KIF24: variants seen among roughly 807,000 people sequenced by gnomAD.
KIF24 encodes the protein kinesin family member 24.
A neutral mutation model predicts 118.9 loss-of-function variants in KIF24; 81 were observed. The ratio of observed to expected loss-of-function variants is 0.68; its 90% confidence interval spans 0.57 to 0.82. The LOEUF is 0.82. Among genes scored for constraint, KIF24 ranks in the 40% least tolerant of loss-of-function variants. KIF24 has a pLI of 0.00. For synonymous variants in KIF24, 599 were observed against 610.0 expected, an observed-to-expected ratio of 0.98 and a Z score of 0.27; for missense variants, 1,560 against 1,661.6, an observed-to-expected ratio of 0.94 and a Z score of 1.06.
chr9:34,258,021 T>C (rs1834925307), intron 10 of KIF24, 40 bp from the exon 11 acceptor site: 2 of 1,407,848 alleles, frequency 1.4e-6, no homozygotes, highest in Non-Finnish European at 1.9e-6. Flanking sequence ...TATTTTCACA[T>C]GTTCTGCAAT....
At chr9:34,294,906 T>TTCC (rs1836404027) in intron 4 of KIF24, among the ~76,000 whole-genome samples, 1 of 152,186 alleles carries the variant, frequency 6.6e-6, no homozygotes, top group East Asian at 1.9e-4. Context: ...GATGAAAATG[T>TTCC]TCCATGTCTT....
At position 34,318,323 on chromosome 9, in the gene KIF24, C is replaced by T; in HGVS notation, c.-25-6952G>A. The T allele has an allele frequency of 1.7e-6, 1 of 582,562 alleles. No homozygotes were observed. Among genetic ancestry groups the T allele is most frequent in the South Asian group, 1.9e-5 (1 of 52,392 alleles). 36.1% of individuals were successfully genotyped at this position (582,562 alleles called of 1,614,324 possible). Reference sequence around the variant, plus strand: ...GAGAGCGAGACTCCCGTCTTGGAGCCAGCCCAGCCCAACCCAGCCCAACCC... The same window carrying T: ...GAGAGCGAGACTCCCGTCTTGGAGCTAGCCCAGCCCAACCCAGCCCAACCC... On this transcript the variant is annotated intron_variant, in intron 1 of 12. Coordinates refer to ENST00000402558, the MANE Select transcript of KIF24 (RefSeq NM_194313.4). The surrounding 1 kb of genome is among the most constrained non-coding windows in gnomAD (Gnocchi z 4.9).
At chr9:34,314,754 C>G (rs185456765) in intron 1 of KIF24, among the ~76,000 whole-genome samples, 208 of 152,244 alleles carry the variant, frequency 1.4e-3, no homozygotes, top group Middle Eastern at 6.8e-3. Flanking sequence ...TACAGCACAG[C>G]TTGTAATAGC....
intron 3 of KIF24, among the ~76,000 whole-genome samples, chr9:34,299,459 G>C (rs995806431): frequency 6.6e-6 from 1 of 151,920 alleles, no homozygotes; most frequent in Non-Finnish European, 1.5e-5. Flanking sequence ...TGGGATTACA[G>C]GTGTGAGCCC....
intron 12 of KIF24, 109 bp downstream of exon 12, chr9:34,254,963 T>A (rs1369407657): frequency 1.4e-6 from 1 of 729,826 alleles, no homozygotes; most frequent in African/African-American, 1.7e-5. Context: ...GGTTAGTGTG[T>A]GCCAGGAGAC....
chr9:34,311,299 C>T lies in KIF24; in HGVS notation c.48G>A (p.Gln16=), dbSNP rs754596043. Residue 16 remains glutamine (Q), a synonymous_variant, in exon 2 of 13, where the codon CAG becomes CAA. Coordinates refer to ENST00000402558, the MANE Select transcript of KIF24 (RefSeq NM_194313.4). Reference sequence around the variant, plus strand: ...CAAGGGCAGTGAAATGAGAATAATACTGTGCAAGTTCAGCTTCACAAAGAC... The same window carrying T: ...CAAGGGCAGTGAAATGAGAATAATATTGTGCAAGTTCAGCTTCACAAAGAC... The part of the protein sequence containing the change: ...YECLCEAELA[Q]YYSHFTALGL... The T allele has an allele frequency of 1.2e-6, 2 of 1,604,314 alleles. No individual in the cohort carries two copies. Among genetic ancestry groups the T allele is most frequent in the South Asian group, 1.1e-5 (1 of 89,554 alleles).
At chr9:34,258,134 T>C (rs1422561714) in intron 10 of KIF24, among the ~76,000 whole-genome samples, 153 bp from the exon 11 acceptor site, 1 of 152,170 alleles carries the variant, frequency 6.6e-6, no homozygotes, top group Non-Finnish European at 1.5e-5. Context: ...AAAGGGAACA[T>C]TCTGTTTCAG....
chr9:34,310,239 A>G (rs1837086242), intron 2 of KIF24, among the ~76,000 whole-genome samples: 1 of 152,212 alleles, frequency 6.6e-6, no homozygotes, highest in Non-Finnish European at 1.5e-5. Flanking sequence ...CAATGTGTGT[A>G]GGTGAACTAA....
At chr9:34,296,688 CT>C (rs1408358274) in intron 4 of KIF24, among the ~76,000 whole-genome samples, 1 of 151,886 alleles carries the variant, frequency 6.6e-6, no homozygotes, top group African/African-American at 2.4e-5. Flanking sequence ...CCTTTTTCTT[CT>C]GAGGACTTTG....
At chr9:34,291,135 G>GA in intron 4 of KIF24, among the ~76,000 whole-genome samples, 1 of 152,318 alleles carries the variant, frequency 6.6e-6, no homozygotes, top group South Asian at 2.1e-4. Flanking sequence ...TGATAAGCAA[G>GA]ATGGTAGTGA....
intron 6 of KIF24, among the ~76,000 whole-genome samples, chr9:34,285,635 C>T (rs981345337): frequency 2.0e-5 from 3 of 151,858 alleles, no homozygotes; most frequent in South Asian, 2.1e-4. Context: ...ATTAGCTGGG[C>T]GTGGTGGCGG....
At chr9:34,273,613 A>C (rs1332137102) in intron 6 of KIF24, among the ~76,000 whole-genome samples, 1 of 10,390 alleles carries the variant, frequency 9.6e-5, no homozygotes, top group Admixed American at 8.3e-4. Context: ...AAGAGGACTA[A>C]GCACCAGGCA....
At chr9:34,308,431 C>A (rs1837014799) in intron 2 of KIF24, among the ~76,000 whole-genome samples, 1 of 152,024 alleles carries the variant, frequency 6.6e-6, no homozygotes, top group South Asian at 2.1e-4. Flanking sequence ...CTGCAGGCAC[C>A]TGCCATGACG....
At chr9:34,332,656 A>G (rs1270581857), upstream of KIF24, among the ~76,000 whole-genome samples, 1 of 152,206 alleles carries the variant, frequency 6.6e-6, no homozygotes, top group Non-Finnish European at 1.5e-5. Context: ...GCCAATATTT[A>G]TGCCATTACA....
intron 8 of KIF24, 48 bp downstream of exon 8, chr9:34,269,209 G>A (rs1224374717): frequency 1.9e-6 from 2 of 1,072,532 alleles, no homozygotes; most frequent in Non-Finnish European, 2.9e-6. Context: ...TATGTAATGG[G>A]CAGTCTTTCA....
At position 34,256,219 on chromosome 9, in the gene KIF24, G is replaced by C; in HGVS notation, c.3388C>G (p.Leu1130Val). Residue 1130 changes from leucine to valine, a missense_variant, in exon 11 of 13, where the codon CTG becomes GTG. Transcript: ENST00000402558. ...DNKPGGDLPA[L>V]SPSPIRQHPA... ...TGCTGACGGATGGGTGATGGGGACA[G>C]AGCTGGAAGATCACCACCAGGCTTA... The C allele has an allele frequency of 6.2e-7, 1 of 1,603,500 alleles. No homozygotes were observed.
chr9:34,327,775 C>T (rs935657929), intron 1 of KIF24, among the ~76,000 whole-genome samples: 2 of 151,482 alleles, frequency 1.3e-5, no homozygotes, highest in Non-Finnish European at 2.9e-5. Flanking sequence ...TTCAAGGCTG[C>T]GGTGAGCTAT....
At position 34,271,819 on chromosome 9, in the gene KIF24, T is replaced by C. The variant is rs775735048; in HGVS notation, c.1327A>G (p.Thr443Ala). 2.8e-5 allele frequency: 45 copies of C among 1,612,870 alleles called. No individual in the cohort carries two copies. The East Asian group carries it at 6.9e-4, about 25-fold the overall frequency. The change falls in exon 7 of 13, where the codon ACA (threonine) becomes GCA (alanine). Residue 443 changes from threonine (T) to alanine (A), a missense_variant. Thr to Ala is a moderately conservative substitution (Grantham distance 58). This residue lies in a region of KIF24 where 964 missense variants were observed against 988.0 expected (regional missense o/e 0.98). Transcript: ENST00000402558. ...ATATTTCCAGCTCACCTGCCAAATG[T>C]CCTCTTGGCTGAATCTTTGATCTGA... ...QIQIKDSAKR[T>A]FGRISFIDLA... is the part of the protein sequence containing the mutation.
intron 1 of KIF24, among the ~76,000 whole-genome samples, chr9:34,324,547 C>T (rs1406034636): frequency 6.6e-6 from 1 of 152,220 alleles, no homozygotes; most frequent in Non-Finnish European, 1.5e-5. Context: ...CATACCTGTT[C>T]TCCTGGCCTC....
Sources: gnomAD v4.1 joint callset for allele counts (sites outside exome capture counted in the v4.1 genomes callset) on GRCh38, gnomAD v4.1.1 for gene constraint, gnomAD v4.1.1 regional missense constraint, Gnocchi (gnomAD v3.1) non-coding constraint, MANE v1.5 for transcripts, NCBI Gene and HGNC (gene_info 2026-07-23, HGNC 2026-07-21) for gene names.